GRM7: variants seen among roughly 807,000 people sequenced by gnomAD.
GRM7 encodes the protein glutamate metabotropic receptor 7, also known as metabotropic glutamate receptor 7.
GRM7 carries 35 observed loss-of-function variants against 84.5 expected under a neutral mutation model. The ratio of observed to expected loss-of-function variants is 0.41; its 90% CI spans 0.32 to 0.55. GRM7 has a LOEUF of 0.55. Among genes scored for constraint, GRM7 ranks in the 20% least tolerant of loss-of-function variants. GRM7 has a pLI of 0.19. For missense variants in GRM7, 1,003 were observed against 1,194.6 expected (o/e 0.84, Z 2.36); for synonymous variants, 487 against 455.1 (o/e 1.07, Z -0.89).
intron 2 of GRM7, among the ~76,000 whole-genome samples, chr3:7,253,799 A>AG (rs1698097944): frequency 6.6e-6 from 1 of 152,246 alleles, no homozygotes; most frequent in African/African-American, 2.4e-5. Context: ...TAGACTGCAG[A>AG]GGTGGGGCTT....
intron 1 of GRM7, among the ~76,000 whole-genome samples, chr3:6,891,173 T>C (rs1251451927): frequency 6.6e-6 from 1 of 152,214 alleles, no homozygotes; most frequent in African/African-American, 2.4e-5. Flanking sequence ...TGATGGGTCT[T>C]GACTCTTTAT....
chr3:7,038,206 T>C (rs1308750430), intron 1 of GRM7, among the ~76,000 whole-genome samples: 2 of 152,172 alleles, frequency 1.3e-5, no homozygotes, highest in African/African-American at 4.8e-5. Context: ...TTTGAAAGTC[T>C]TAAACTCTCT....
At chr3:7,305,340 T>TTC (rs1462622615) in intron 3 of GRM7, among the ~76,000 whole-genome samples, 4 of 87,534 alleles carry the variant, frequency 4.6e-5, no homozygotes, top group Admixed American at 1.9e-4. Flanking sequence ...CTTTTTTTTT[T>TTC]TTCTTTTTTT....
chr3:7,655,249 G>T (rs1699128919), intron 8 of GRM7, among the ~76,000 whole-genome samples: 1 of 152,218 alleles, frequency 6.6e-6, no homozygotes, highest in African/African-American at 2.4e-5. Context: ...TGTGGCAGAA[G>T]AGAAAACAAT....
chr3:6,873,174 C>A (rs916411779), intron 1 of GRM7, among the ~76,000 whole-genome samples: 13 of 152,094 alleles, frequency 8.5e-5, no homozygotes, highest in Non-Finnish European at 1.8e-4. Flanking sequence ...CAGGTTCAAG[C>A]GATTCTCCCG....
chr3:7,011,717 A>T (rs552240344), intron 1 of GRM7, among the ~76,000 whole-genome samples: 1 of 152,352 alleles, frequency 6.6e-6, no homozygotes, highest in African/African-American at 2.4e-5. Flanking sequence ...ACCTGGGAAC[A>T]GAAAGAGGCA....
chr3:7,717,065 G>A (rs1355784100), intron 9 of GRM7, among the ~76,000 whole-genome samples: 2 of 152,060 alleles, frequency 1.3e-5, no homozygotes, highest in Non-Finnish European at 2.9e-5. Flanking sequence ...CTGTAAGTGT[G>A]GAAGGATAGA....
At position 7,680,173 on chromosome 3, in the gene GRM7, G is replaced by A. The variant is rs369197989; in HGVS notation, c.2576G>A (p.Arg859Gln). 19 of 1,614,174 alleles carry A rather than the reference G, an allele frequency of 1.2e-5. No homozygotes were observed. The highest frequency in any genetic ancestry group is 1.4e-5 in the Non-Finnish European group (17 of 1,180,024). Residue 859 changes from arginine to glutamine, a missense_variant, in exon 9 of 10, where the codon CGG (arginine) becomes CAG (glutamine). Arg to Gln is a conservative substitution (Grantham distance 43). Around this residue, in one of 2 missense-constraint regions of GRM7, gnomAD observed 910 missense variants for 1,126.0 expected, o/e 0.81. Transcript: ENST00000357716. ...CACCCTGAACTCAATGTCCAGAAAC[G>A]GAAGCGAAGCTTCAAGGCGGTAGTC... ...IFHPELNVQK[R>Q]KRSFKAVVTA...
intron 4 of GRM7, among the ~76,000 whole-genome samples, chr3:7,317,412 C>T (rs1254701983): frequency 1.3e-5 from 2 of 151,940 alleles, no homozygotes; most frequent in African/African-American, 4.8e-5. Flanking sequence ...TCTAGAATAC[C>T]AAGTTGATTT....
At chr3:7,063,654 C>T (rs1697511879) in intron 1 of GRM7, among the ~76,000 whole-genome samples, 1 of 151,698 alleles carries the variant, frequency 6.6e-6, no homozygotes, top group African/African-American at 2.4e-5. Flanking sequence ...CTGAAAGTAT[C>T]TTGGCTAACA....
intron 1 of GRM7, among the ~76,000 whole-genome samples, chr3:7,104,429 G>T (rs1403210736): frequency 1.3e-5 from 2 of 151,592 alleles, no homozygotes; most frequent in African/African-American, 2.4e-5. Context: ...AGACTGAAGT[G>T]ACTAAGACAC....
At chr3:6,939,556 T>C (rs1697815360) in intron 1 of GRM7, among the ~76,000 whole-genome samples, 1 of 152,186 alleles carries the variant, frequency 6.6e-6, no homozygotes, top group Non-Finnish European at 1.5e-5. Context: ...GTATGTGTCA[T>C]GAAAAATGTA....
intron 1 of GRM7, among the ~76,000 whole-genome samples, chr3:7,014,081 GTA>G (rs1342439118): frequency 4.6e-5 from 7 of 152,068 alleles, no homozygotes; most frequent in Non-Finnish European, 7.4e-5. Context: ...CAATGCTTTT[GTA>G]TACTTCTATC....
chr3:6,901,407 G>C (rs1696375988), intron 1 of GRM7, among the ~76,000 whole-genome samples: 1 of 151,870 alleles, frequency 6.6e-6, no homozygotes, highest in Admixed American at 6.6e-5. Flanking sequence ...AGACCGTCCT[G>C]GCCAACACGG....
rs905408716 is a variant in GRM7, at chr3:7,001,293, T to A, written c.519+139386T>A. Among the ~76,000 whole-genome samples, 23 of 152,110 alleles carry A rather than the reference T, an allele frequency of 1.5e-4. 1 individual carries two copies. ...TGAGCCTGGAAGGTTGAGGCTACAG[T>A]GAGCTGTGATTGTGCAACTGCACTC... On this transcript the variant is annotated intron_variant, in intron 1 of 9. Coordinates refer to ENST00000357716, the MANE Select transcript of GRM7 (RefSeq NM_000844.4).
At chr3:7,423,843 T>C (rs1696495991) in intron 5 of GRM7, among the ~76,000 whole-genome samples, 1 of 152,130 alleles carries the variant, frequency 6.6e-6, no homozygotes, top group Non-Finnish European at 1.5e-5. Context: ...GATCCAGGTA[T>C]GTGGGCGAAC....
chr3:6,862,504 C>T lies in GRM7; in HGVS notation c.519+597C>T, dbSNP rs775175617. On this transcript the variant is annotated intron_variant, in intron 1 of 9. Transcript: ENST00000357716. The surrounding 1 kb of genome is among the most constrained non-coding windows in gnomAD (Gnocchi z 5.2). ...AGCCAGCCTCCGCGAGAGCCCAGGG[C>T]GCGAGGTGCTGGGACCTTCCTCAGG... 6.6e-6 allele frequency among the ~76,000 whole-genome samples: 1 copy of T among 152,162 alleles called. No homozygotes were observed. The highest frequency in any genetic ancestry group is 1.5e-5 in the Non-Finnish European group (1 of 68,032).
intron 7 of GRM7, among the ~76,000 whole-genome samples, chr3:7,506,759 C>T (rs1012846477): frequency 9.2e-5 from 14 of 152,048 alleles, no homozygotes; most frequent in Non-Finnish European, 2.1e-4. Context: ...AATCTATTTC[C>T]CAGATAATAA....
intron 7 of GRM7, among the ~76,000 whole-genome samples, chr3:7,473,741 TAG>T (rs1334371633): frequency 6.6e-6 from 1 of 152,142 alleles, no homozygotes; most frequent in Non-Finnish European, 1.5e-5. Flanking sequence ...ATTGTTTGAT[TAG>T]AGAGCTTGGC....
Sources: allele counts gnomAD v4.1 joint callset (sites outside exome capture counted in the v4.1 genomes callset), GRCh38; gene constraint gnomAD v4.1.1; regional missense constraint gnomAD v4.1.1; non-coding constraint Gnocchi (gnomAD v3.1); transcripts MANE v1.5; gene names NCBI Gene and HGNC (gene_info 2026-07-23, HGNC 2026-07-21).